Variants in MYO18B observed in about 807,000 individuals in gnomAD.
MYO18B encodes the protein unconventional myosin-XVIIIb.
Under a neutral mutation model 273.0 loss-of-function variants are expected in MYO18B, and 204 were observed. That is an observed-to-expected ratio of 0.75 (90% CI 0.67 to 0.84). The LOEUF is 0.84. Among genes scored for constraint, MYO18B ranks in the 40% least tolerant of loss-of-function variants. MYO18B has a pLI of 0.00. For missense variants in MYO18B, 3,212 were observed against 3,287.6 expected, an observed-to-expected ratio of 0.98 and a Z score of 0.56; for synonymous variants, 1,330 against 1,305.7, an observed-to-expected ratio of 1.02 and a Z score of -0.40.
At chr22:25,995,174 A>G (rs2146864971) in intron 40 of MYO18B, among the ~76,000 whole-genome samples, 1 of 152,366 alleles carries the variant, frequency 6.6e-6, no homozygotes, top group South Asian at 2.1e-4. Flanking sequence ...GTTAAGTGAA[A>G]TAAGCCAGAC....
intron 39 of MYO18B, among the ~76,000 whole-genome samples, chr22:25,992,074 G>T (rs779301059): frequency 2.6e-5 from 4 of 152,204 alleles, no homozygotes; most frequent in African/African-American, 4.8e-5. Flanking sequence ...TGCAGATTCA[G>T]AGCATGGCCC....
intron 28 of MYO18B, chr22:25,896,645 T>G (rs1194200398): frequency 6.6e-6 from 1 of 152,186 alleles, no homozygotes. Flanking sequence ...TCTAGATGAA[T>G]GTACAGATAG....
At chr22:25,795,490 T>C (rs1222692352) in intron 11 of MYO18B, among the ~76,000 whole-genome samples, 2 of 152,228 alleles carry the variant, frequency 1.3e-5, no homozygotes, top group Non-Finnish European at 2.9e-5. Context: ...GATGGTGGAA[T>C]CCTTCTGTAA....
intron 39 of MYO18B, among the ~76,000 whole-genome samples, chr22:25,984,642 TAATA>T (rs956556123): frequency 3.3e-5 from 5 of 151,590 alleles, no homozygotes; most frequent in African/African-American, 9.7e-5. Context: ...ATAATAATAA[TAATA>T]AATATCTGGG....
chr22:25,775,923 C>T (rs1404367773), intron 7 of MYO18B, among the ~76,000 whole-genome samples: 2 of 152,032 alleles, frequency 1.3e-5, no homozygotes, highest in African/African-American at 2.4e-5. Context: ...TAGTCCAATG[C>T]ACCTTTTTAG....
rs1482737296 is a variant in MYO18B at position 25,787,272 on chromosome 22, G to GCGCACACACACA, written c.2376+1782_2376+1783insGCACACACACAC. Among the ~76,000 whole-genome samples, 31 of 136,712 alleles carry GCGCACACACACA rather than the reference G, an allele frequency of 2.3e-4. No individual in the cohort carries two copies. In the South Asian group the frequency reaches 8.6e-3, roughly 38 times the overall value. The allele number at this position is 136,712 out of a possible 152,430, so 89.7% of individuals were successfully genotyped here. On this transcript the variant is annotated intron_variant, in intron 11 of 43. Transcript: ENST00000335473. ...TAAGCCTGTGTGCGTGCAGGCGCGC[G>GCGCACACACACA]CACACACACACACACACACACACAC...
intron 40 of MYO18B, among the ~76,000 whole-genome samples, chr22:25,999,064 C>T (rs1933647337): frequency 6.6e-6 from 1 of 152,186 alleles, no homozygotes; most frequent in Non-Finnish European, 1.5e-5. Flanking sequence ...ACCTGTTTGG[C>T]ATATGTTATC....
At position 25,770,189 on chromosome 22, in the gene MYO18B, G is replaced by A. The variant is rs747850176; in HGVS notation, c.1579+13G>A. 5.0e-6 allele frequency: 8 copies of A among 1,613,444 alleles called. No individual in the cohort carries two copies. The East Asian group carries it at 1.6e-4, about 31-fold the overall frequency. ...GGATTTACTCTTGGTAAGTAGGGGT[G>A]TTAGCACCTTTGGAGGGTCTGAGTC... On this transcript the variant is annotated intron_variant, in intron 5 of 43. Transcript: ENST00000335473.
At chr22:25,935,953 C>T (rs928844639) in intron 34 of MYO18B, among the ~76,000 whole-genome samples, 1 of 152,216 alleles carries the variant, frequency 6.6e-6, no homozygotes, top group Non-Finnish European at 1.5e-5. Flanking sequence ...TGCGGGTTCA[C>T]TGATGCTGCT....
intron 39 of MYO18B, among the ~76,000 whole-genome samples, chr22:25,956,338 C>T (rs1397718303): frequency 6.6e-6 from 1 of 151,738 alleles, no homozygotes; most frequent in East Asian, 1.9e-4. Flanking sequence ...GGCTCAGCTT[C>T]CTGAGTAGCT....
intron 42 of MYO18B, among the ~76,000 whole-genome samples, chr22:26,014,876 G>A (rs1246426973): frequency 6.6e-6 from 1 of 151,286 alleles, no homozygotes; most frequent in Non-Finnish European, 1.5e-5. Flanking sequence ...AAGTGTCTGT[G>A]CATGTCCTTT....
intron 1 of MYO18B, among the ~76,000 whole-genome samples, chr22:25,745,106 C>T (rs1328923803): frequency 6.6e-6 from 1 of 152,040 alleles, no homozygotes; most frequent in Non-Finnish European, 1.5e-5. Context: ...AAATAAATTG[C>T]GTCTTATTTT....
intron 3 of MYO18B, among the ~76,000 whole-genome samples, chr22:25,766,555 A>C (rs1370538425): frequency 2.6e-5 from 4 of 152,120 alleles, no homozygotes; most frequent in African/African-American, 9.7e-5. Context: ...CTTCAGGCAA[A>C]GATTTGTAGA....
chr22:26,016,957 G>C (rs6004897), intron 42 of MYO18B, among the ~76,000 whole-genome samples: 93,757 of 151,774 alleles, frequency 0.62, 30,822 homozygotes, highest in African/African-American at 0.85. Context: ...AATGGTTTAT[G>C]AGAATCACCT....
intron 39 of MYO18B, among the ~76,000 whole-genome samples, chr22:25,967,016 A>G (rs2092986887): frequency 6.6e-6 from 1 of 152,312 alleles, no homozygotes; most frequent in South Asian, 2.1e-4. Context: ...TTGTTTCTGC[A>G]TTGAAAACAG....
chr22:25,824,660 C>T (rs920581318), intron 13 of MYO18B, among the ~76,000 whole-genome samples: 3 of 152,086 alleles, frequency 2.0e-5, no homozygotes, highest in Admixed American at 6.5e-5. Flanking sequence ...TTCCACCTTC[C>T]AGGGACTTCG....
At position 25,889,453 on chromosome 22, in the gene MYO18B, C is replaced by T. The variant is rs187513269; in HGVS notation, c.4315-1303C>T. On this transcript the variant is annotated intron_variant, in intron 25 of 43. Coordinates refer to ENST00000335473, the MANE Select transcript of MYO18B (RefSeq NM_032608.7). ...GGAGGACATGTGACCGCACCCAATT[C>T]AATGCATTTTACAGCTCAGGTGACC... Among the ~76,000 whole-genome samples the T allele has an allele frequency of 1.7e-3, 265 of 152,196 alleles. 2 individuals are homozygous for T. The highest frequency in any genetic ancestry group is 4.4e-4 in the Non-Finnish European group (30 of 68,018).
chr22:26,004,917 AGTT>A lies in MYO18B; in HGVS notation c.6470+69_6470+71del, dbSNP rs1934303657. On this transcript the variant is annotated intron_variant, in intron 42 of 43. Coordinates refer to ENST00000335473, the MANE Select transcript of MYO18B (RefSeq NM_032608.7). ...AGCTTGAAGAATCTCAGACTTTGAAAGTTGTTGTTCAAGTCTTTCATTGTCTCT... is the reference window on the plus strand; with the variant it reads ...AGCTTGAAGAATCTCAGACTTTGAAAGTTGTTCAAGTCTTTCATTGTCTCT... 16 of 1,595,950 alleles carry A rather than the reference AGTT, an allele frequency of 1.0e-5. No individual in the cohort carries two copies. The Admixed American group carries it at 2.7e-4, about 27-fold the overall frequency.
chr22:25,920,886 A>C (rs1179469957), intron 33 of MYO18B, among the ~76,000 whole-genome samples: 1 of 152,212 alleles, frequency 6.6e-6, no homozygotes, highest in African/African-American at 2.4e-5. Flanking sequence ...CACCTGGCAC[A>C]TGAGGCTCTT....
Sources: allele counts gnomAD v4.1 joint callset (sites outside exome capture counted in the v4.1 genomes callset), GRCh38; gene constraint gnomAD v4.1.1; transcripts MANE v1.5; gene names NCBI Gene and HGNC (gene_info 2026-07-23, HGNC 2026-07-21).